The following CAPN13 variants were observed in gnomAD, a reference collection of about 807,000 sequenced individuals.
CAPN13 encodes calpain-13.
In CAPN13, 90 loss-of-function variants were observed where a neutral mutation model predicts 98.4. The ratio of observed to expected loss-of-function variants is 0.92; its 90% confidence interval spans 0.77 to 1.09. The LOEUF is 1.09. Ranked by LOEUF, CAPN13 falls within the 50% of genes least tolerant of loss-of-function variation. The pLI is 0.00. For synonymous variants in CAPN13, 330 were observed against 305.5 expected, an observed-to-expected ratio of 1.08 and a Z score of -0.84; for missense variants, 887 against 841.3, an observed-to-expected ratio of 1.05 and a Z score of -0.67.
intron 4 of CAPN13, 86 bp from the exon 5 acceptor site, chr2:30,770,535 A>G: frequency 1.3e-6 from 2 of 1,510,700 alleles, no homozygotes; most frequent in East Asian, 2.3e-5. Context: ...AAGTTGCAAC[A>G]TGACCTCTAC....
At chr2:30,798,881 C>T (rs1223093089) in intron 1 of CAPN13, among the ~76,000 whole-genome samples, 1 of 152,076 alleles carries the variant, frequency 6.6e-6, no homozygotes, top group Non-Finnish European at 1.5e-5. Context: ...TCTCTGCTGA[C>T]AAGGAACAAG....
At chr2:30,770,520 G>A (rs999184571) in intron 4 of CAPN13, 71 bp from the exon 5 acceptor site, 10 of 1,558,226 alleles carry the variant, frequency 6.4e-6, no homozygotes, top group Non-Finnish European at 7.8e-6. Flanking sequence ...CCCAACCTAA[G>A]CCAAAAGTTG....
At chr2:30,758,771 TTCCTCCCTCCCTCCCTTTCCTTTCC>T (rs1672597931) in intron 7 of CAPN13, among the ~76,000 whole-genome samples, 1 of 51,088 alleles carries the variant, frequency 2.0e-5, no homozygotes, top group Non-Finnish European at 4.5e-5. Flanking sequence ...TTTCCTTTCC[TTCCTCCCTCCCTCCCTTTCCTTTCC>T]TTCCTCCCTC....
intron 4 of CAPN13, among the ~76,000 whole-genome samples, chr2:30,774,148 AAAGT>A (rs1416898102): frequency 6.6e-6 from 1 of 152,142 alleles, no homozygotes; most frequent in Non-Finnish European, 1.5e-5. Flanking sequence ...AAAATTAATA[AAAGT>A]AAGACTTTTT....
chr2:30,767,450 CAA>C (rs1183000549), intron 5 of CAPN13, among the ~76,000 whole-genome samples: 1 of 152,126 alleles, frequency 6.6e-6, no homozygotes, highest in Non-Finnish European at 1.5e-5. Context: ...AAAATGGGGT[CAA>C]AGTCATCATG....
intron 6 of CAPN13, among the ~76,000 whole-genome samples, 196 bp from the exon 7 acceptor site, chr2:30,763,352 C>T (rs1403250360): frequency 6.6e-6 from 1 of 152,232 alleles, no homozygotes; most frequent in African/African-American, 2.4e-5. Context: ...GATTTCATGC[C>T]TCAGGGCACC....
In CAPN13 at chr2:30,773,184, G is replaced by C. The variant is rs966671816; in HGVS notation, c.388-2735C>G. 2.0e-5 allele frequency among the ~76,000 whole-genome samples: 3 copies of C among 152,188 alleles called. No individual in the cohort carries two copies. The South Asian group carries it at 6.2e-4, about 32-fold the overall frequency. On this transcript the variant is annotated intron_variant, in intron 4 of 22. Transcript: ENST00000295055. ...ATTGCATACAAAGTCAAAGTCCAGA[G>C]AATAGATTAACATGAGATTTTTCTT...
chr2:30,728,992 A>G (rs182619825), intron 22 of CAPN13, among the ~76,000 whole-genome samples: 6 of 152,340 alleles, frequency 3.9e-5, no homozygotes, highest in Non-Finnish European at 5.9e-5. Flanking sequence ...GAAATTTAAA[A>G]GATACACATT....
At chr2:30,772,077 G>A (rs1178675591) in intron 4 of CAPN13, among the ~76,000 whole-genome samples, 1 of 152,152 alleles carries the variant, frequency 6.6e-6, no homozygotes, top group Non-Finnish European at 1.5e-5. Context: ...TCCCACACCA[G>A]TAATGCTGAC....
intron 12 of CAPN13, among the ~76,000 whole-genome samples, chr2:30,744,930 C>T (rs1469504531): frequency 6.6e-6 from 1 of 152,196 alleles, no homozygotes. Flanking sequence ...CAATGCCCAT[C>T]CCAACCCTCC....
At chr2:30,742,192 C>G (rs1243294224) in intron 14 of CAPN13, 134 bp downstream of exon 14, 40 of 1,171,124 alleles carry the variant, frequency 3.4e-5, no homozygotes, top group Non-Finnish European at 4.4e-5. Flanking sequence ...CCCCTTTGAG[C>G]CTTCATCGGC....
intron 5 of CAPN13, 24 bp from the exon 6 acceptor site, chr2:30,764,330 C>G: frequency 6.2e-7 from 1 of 1,610,186 alleles, no homozygotes; most frequent in Non-Finnish European, 8.5e-7. Flanking sequence ...GGGGATGAAC[C>G]ATCGTGGTGC....
At chr2:30,788,449 G>T (rs1461715412) in intron 1 of CAPN13, among the ~76,000 whole-genome samples, 1 of 152,208 alleles carries the variant, frequency 6.6e-6, no homozygotes. Context: ...TCCTCCATCT[G>T]TGAGGCTGGC....
intron 1 of CAPN13, among the ~76,000 whole-genome samples, chr2:30,790,067 A>G (rs1674524765): frequency 6.6e-6 from 1 of 152,312 alleles, no homozygotes; most frequent in South Asian, 2.1e-4. Context: ...AGGCAGGGGA[A>G]GCTTGTTCCC....
intron 10 of CAPN13, 86 bp downstream of exon 10, chr2:30,752,967 G>A (rs919627500): frequency 6.9e-7 from 1 of 1,441,198 alleles, no homozygotes; most frequent in Non-Finnish European, 9.7e-7. Flanking sequence ...CAGAATCAAG[G>A]ACCAGAGAGA....
chr2:30,725,899 A>G (rs1670840599), intron 22 of CAPN13, among the ~76,000 whole-genome samples: 1 of 152,188 alleles, frequency 6.6e-6, no homozygotes, highest in African/African-American at 2.4e-5. Flanking sequence ...TGTATTAGAG[A>G]TAATAACAAG....
At chr2:30,801,993 G>A (rs1296891284) in intron 1 of CAPN13, among the ~76,000 whole-genome samples, 1 of 152,198 alleles carries the variant, frequency 6.6e-6, no homozygotes, top group Non-Finnish European at 1.5e-5. Flanking sequence ...CGCCCCCTGC[G>A]CTGCGTCTAG....
rs757821105 is a variant in CAPN13, at chr2:30,732,540, G to T, written c.1825C>A (p.Arg609Ser). The T allele has an allele frequency of 2.5e-6, 4 of 1,609,706 alleles. No homozygotes were observed. In the South Asian group the frequency reaches 4.4e-5, roughly 18 times the overall value. The part of the protein sequence containing the change: ...TDFLRGIFIS[R>S]ELLHLVTLRY... ...AGGGTCACCAGATGCAGCAGCTCAC[G>T]GCTGATGAAGATCCCTCTGAGGAAG... The change falls in exon 20 of 23, where the codon CGT becomes AGT. Residue 609 changes from arginine to serine, a missense_variant. Arg to Ser is a moderately radical substitution (Grantham distance 110). Transcript: ENST00000295055.
At position 30,744,266 on chromosome 2, in the gene CAPN13, T is replaced by C. The variant is rs187591528; in HGVS notation, c.1249-687A>G. Among the ~76,000 whole-genome samples the C allele has an allele frequency of 3.6e-3, 552 of 152,312 alleles. 5 individuals carry two copies. The highest frequency in any genetic ancestry group is 4.2e-3 in the Non-Finnish European group (285 of 68,024). On this transcript the variant is annotated intron_variant, in intron 12 of 22. Coordinates refer to ENST00000295055, the MANE Select transcript of CAPN13 (RefSeq NM_144575.3). ...AAATGATTATTTATGAGCTATGCCTTGCAGGGAAAACGGGAAAGGGGAAAG... is the reference window on the plus strand; with the variant it reads ...AAATGATTATTTATGAGCTATGCCTCGCAGGGAAAACGGGAAAGGGGAAAG...
Sources: gnomAD v4.1 joint callset for allele counts (sites outside exome capture counted in the v4.1 genomes callset) on GRCh38, gnomAD v4.1.1 for gene constraint, MANE v1.5 for transcripts, NCBI Gene and HGNC (gene_info 2026-07-23, HGNC 2026-07-21) for gene names.